The following ANO2 variants were observed in gnomAD, a reference collection of about 807,000 sequenced individuals.
The protein encoded by ANO2 is anoctamin-2.
In ANO2, 101 loss-of-function variants were observed where a neutral mutation model predicts 124.2. The ratio of observed to expected loss-of-function variants is 0.81; its 90% CI spans 0.69 to 0.96. The LOEUF is 0.96. Among genes scored for constraint, ANO2 ranks in the 40% least tolerant of loss-of-function variants. The pLI is 0.00. For missense variants in ANO2, 1,293 were observed against 1,274.5 expected, an observed-to-expected ratio of 1.01 and a Z score of -0.22; for synonymous variants, 486 against 482.5, an observed-to-expected ratio of 1.01 and a Z score of -0.09.
intron 3 of ANO2, among the ~76,000 whole-genome samples, chr12:5,899,442 G>A (rs1282400530): frequency 2.0e-5 from 3 of 152,188 alleles, no homozygotes; most frequent in African/African-American, 7.2e-5. Flanking sequence ...GCAGTCCTGT[G>A]TCATGCAAAG....
At chr12:5,735,959 A>G (rs1359584971) in intron 13 of ANO2, among the ~76,000 whole-genome samples, 1 of 152,262 alleles carries the variant, frequency 6.6e-6, no homozygotes, top group Non-Finnish European at 1.5e-5. Context: ...AGATAAGGCC[A>G]CACTCTCTAA....
chr12:5,723,899 G>T (rs1462996584), intron 14 of ANO2, among the ~76,000 whole-genome samples: 1 of 152,030 alleles, frequency 6.6e-6, no homozygotes, highest in Non-Finnish European at 1.5e-5. Flanking sequence ...GAACCAACCC[G>T]CAGCTTCTCA....
chr12:5,604,955 TC>T (rs1313153119), intron 19 of ANO2, among the ~76,000 whole-genome samples: 3 of 151,904 alleles, frequency 2.0e-5, no homozygotes, highest in African/African-American at 7.3e-5. Flanking sequence ...TAATGACAAG[TC>T]TCAGAAACTC....
At chr12:5,569,329 A>G (rs569360257) in intron 23 of ANO2, among the ~76,000 whole-genome samples, 1 of 148,100 alleles carries the variant, frequency 6.8e-6, no homozygotes, top group Non-Finnish European at 1.5e-5. Flanking sequence ...AGCCCCCACA[A>G]CTGGTCAGAC....
At chr12:5,615,839 A>G (rs3782595) in intron 16 of ANO2, among the ~76,000 whole-genome samples, 41,940 of 151,984 alleles carry the variant, frequency 0.28, 6,520 homozygotes, top group African/African-American at 0.42. Context: ...ATTCATCTGC[A>G]TGTCCTGTGG....
intron 4 of ANO2, among the ~76,000 whole-genome samples, chr12:5,845,272 A>C (rs1381193404): frequency 1.3e-5 from 2 of 151,814 alleles, no homozygotes; most frequent in African/African-American, 4.9e-5. Context: ...TGTCTCAAAA[A>C]AGAAAAAAAA....
At chr12:5,811,203 C>T (rs1444331054) in intron 7 of ANO2, among the ~76,000 whole-genome samples, 1 of 152,282 alleles carries the variant, frequency 6.6e-6, no homozygotes, top group East Asian at 1.9e-4. Context: ...TTTTGATTCT[C>T]CCCAGAAAAG....
intron 14 of ANO2, among the ~76,000 whole-genome samples, chr12:5,660,324 A>G (rs1211206770): frequency 1.3e-5 from 2 of 150,528 alleles, no homozygotes; most frequent in African/African-American, 2.5e-5. Context: ...GTGGCCTCCA[A>G]TGCTTACCAT....
chr12:5,856,866 A>G (rs1026924570), intron 3 of ANO2, among the ~76,000 whole-genome samples: 2 of 152,194 alleles, frequency 1.3e-5, no homozygotes, highest in African/African-American at 4.8e-5. Flanking sequence ...GTTTCCCAGT[A>G]TGGGGTTGTT....
chr12:5,817,256 C>G (rs1953640151), intron 7 of ANO2, among the ~76,000 whole-genome samples: 1 of 152,148 alleles, frequency 6.6e-6, no homozygotes, highest in South Asian at 2.1e-4. Flanking sequence ...TATTATTATC[C>G]CCATTTTACA....
rs558479350 is a variant in ANO2, at chr12:5,608,507, C to G, written c.2087+4149G>C. Among the ~76,000 whole-genome samples the G allele has an allele frequency of 3.3e-5, 5 of 151,948 alleles. No individual in the cohort carries two copies. The South Asian group carries it at 1.0e-3, about 32-fold the overall frequency. ...GCTTGTATTTGGAATCAGCAGTGAC[C>G]AGCTTTGCTCATTCGAGAGAAATTC... On this transcript the variant is annotated intron_variant, in intron 19 of 24. Transcript: ENST00000682330.
At chr12:5,657,972 A>G (rs2136968334) in intron 14 of ANO2, among the ~76,000 whole-genome samples, 1 of 152,320 alleles carries the variant, frequency 6.6e-6, no homozygotes, top group Non-Finnish European at 1.5e-5. Flanking sequence ...CAAAGGAGAA[A>G]GAGATAGTGA....
In ANO2 at chr12:5,767,991, G is replaced by A. The variant is rs140556704; in HGVS notation, c.1056-17021C>T. Among the ~76,000 whole-genome samples, 182 of 152,276 alleles carry A rather than the reference G, an allele frequency of 1.2e-3. 1 individual carries two copies. Among genetic ancestry groups the A allele is most frequent in the African/African-American group, 4.0e-3 (165 of 41,546 alleles). On this transcript the variant is annotated intron_variant, in intron 10 of 24. Transcript: ENST00000682330. ...TCCAGACGCCATATGTGGACTGTAG[G>A]GGGTGCAGCTACTATGTCATGTCTG...
intron 7 of ANO2, among the ~76,000 whole-genome samples, chr12:5,811,061 AT>A (rs1219999327): frequency 6.6e-6 from 1 of 152,254 alleles, no homozygotes; most frequent in Non-Finnish European, 1.5e-5. Flanking sequence ...AAAGAGTCTC[AT>A]TAAATCTACA....
intron 10 of ANO2, among the ~76,000 whole-genome samples, chr12:5,758,432 G>T (rs1295264524): frequency 6.6e-6 from 1 of 152,142 alleles, no homozygotes; most frequent in African/African-American, 2.4e-5. Context: ...TCCCTCCACA[G>T]CCCCACTTAT....
At chr12:5,795,693 C>T (rs1952824205) in intron 10 of ANO2, among the ~76,000 whole-genome samples, 1 of 152,190 alleles carries the variant, frequency 6.6e-6, no homozygotes, top group East Asian at 1.9e-4. Context: ...ATTGTTTTGT[C>T]TCATTCATAT....
At chr12:5,806,818 T>A (rs1397691594) in intron 8 of ANO2, among the ~76,000 whole-genome samples, 2 of 152,238 alleles carry the variant, frequency 1.3e-5, no homozygotes, top group African/African-American at 4.8e-5. Flanking sequence ...ATAATGATCT[T>A]TCGTTAATAT....
chr12:5,743,357 T>A (rs1565633117), intron 12 of ANO2, among the ~76,000 whole-genome samples: 1 of 152,206 alleles, frequency 6.6e-6, no homozygotes, highest in Non-Finnish European at 1.5e-5. Context: ...GCTACTCAGA[T>A]GGGCTGACAC....
chr12:5,915,423 C>T (rs1419339485), intron 3 of ANO2, among the ~76,000 whole-genome samples: 1 of 152,002 alleles, frequency 6.6e-6, no homozygotes, highest in East Asian at 1.9e-4. Flanking sequence ...CAAAAGCATG[C>T]CCAGGTATCA....
Sources: allele counts gnomAD v4.1 joint callset (sites outside exome capture counted in the v4.1 genomes callset), GRCh38; gene constraint gnomAD v4.1.1; transcripts MANE v1.5; gene names NCBI Gene and HGNC (gene_info 2026-07-23, HGNC 2026-07-21).